MORN5: variants seen among roughly 807,000 people sequenced by gnomAD.
MORN5 encodes MORN repeat-containing protein 5.
In MORN5, 21 loss-of-function variants were observed where a neutral mutation model predicts 22.1. The observed-to-expected ratio is 0.95, with a 90% CI of 0.67 to 1.37. MORN5 has a LOEUF of 1.37. MORN5 is among the 40% of genes most tolerant of loss of function. The pLI is 0.00. For missense variants in MORN5, 211 were observed against 215.1 expected (o/e 0.98, Z 0.12); for synonymous variants, 73 against 74.0 (o/e 0.99, Z 0.07).
chr9:122,184,632 C>T (rs189344592), intron 4 of MORN5, among the ~76,000 whole-genome samples: 1 of 152,350 alleles, frequency 6.6e-6, no homozygotes, highest in Admixed American at 6.5e-5. Flanking sequence ...CAGCATTTGC[C>T]AACTGCTTAC....
chr9:122,161,814 G>A (rs1425057668), intron 1 of MORN5, among the ~76,000 whole-genome samples: 1 of 152,166 alleles, frequency 6.6e-6, no homozygotes, highest in African/African-American at 2.4e-5. Context: ...ATTTTCATTG[G>A]GTTTGTGTGC....
intron 4 of MORN5, among the ~76,000 whole-genome samples, chr9:122,192,125 A>T (rs1403346106): frequency 6.6e-6 from 1 of 152,046 alleles, no homozygotes. Flanking sequence ...GTCCAAAATC[A>T]CCCAGCGAGT....
intron 2 of MORN5, among the ~76,000 whole-genome samples, chr9:122,167,353 CTTTTTTTTT>C (rs61672512): frequency 9.6e-6 from 1 of 104,550 alleles, no homozygotes; most frequent in East Asian, 2.4e-4. Flanking sequence ...CGCACCTGAC[CTTTTTTTTT>C]TTTTTTTTTT....
At chr9:122,161,959 G>A (rs1350030307) in intron 1 of MORN5, among the ~76,000 whole-genome samples, 1 of 152,180 alleles carries the variant, frequency 6.6e-6, no homozygotes, top group Admixed American at 6.5e-5. Flanking sequence ...CAAGAAGTCA[G>A]CAGTTTTTCA....
At chr9:122,172,429 C>G (rs1829380089) in intron 3 of MORN5, among the ~76,000 whole-genome samples, 1 of 151,956 alleles carries the variant, frequency 6.6e-6, no homozygotes, top group Admixed American at 6.6e-5. Context: ...CGGTTTTTCT[C>G]TCTCCCCTCT....
At position 122,182,282 on chromosome 9, in the gene MORN5, C is replaced by T. The variant is rs78309147; in HGVS notation, c.439+7655C>T. Among the ~76,000 whole-genome samples, 677 of 152,360 alleles carry T rather than the reference C, an allele frequency of 4.4e-3. 6 individuals are homozygous for T. The highest frequency in any genetic ancestry group is 7.4e-3 in the Non-Finnish European group (506 of 68,038). On this transcript the variant is annotated intron_variant, in intron 4 of 4. Transcript: ENST00000373764. ...ACAGAATGCCTTTCCCTCTTTTCTC[C>T]GCCCATCTCAGTCCTCCTCATCTGT...
intron 4 of MORN5, among the ~76,000 whole-genome samples, chr9:122,193,551 C>G (rs1386525380): frequency 2.6e-5 from 4 of 152,240 alleles, no homozygotes; most frequent in Non-Finnish European, 5.9e-5. Flanking sequence ...CGCCACTGCA[C>G]TCCAGCCTGG....
intron 4 of MORN5, among the ~76,000 whole-genome samples, chr9:122,181,122 A>G (rs1363654901): frequency 6.6e-6 from 1 of 152,258 alleles, no homozygotes; most frequent in Non-Finnish European, 1.5e-5. Flanking sequence ...AACATCTGTC[A>G]GAGGTCTTAA....
chr9:122,186,073 G>A (rs1829629084), intron 4 of MORN5, among the ~76,000 whole-genome samples: 1 of 152,184 alleles, frequency 6.6e-6, no homozygotes, highest in Non-Finnish European at 1.5e-5. Flanking sequence ...ATAATACGCT[G>A]TAACTGCCAA....
intron 4 of MORN5, among the ~76,000 whole-genome samples, chr9:122,183,205 T>C (rs1429812002): frequency 6.6e-6 from 1 of 152,230 alleles, no homozygotes; most frequent in African/African-American, 2.4e-5. Context: ...TGGAGCTATT[T>C]GGGCAAATGG....
At chr9:122,182,204 A>T (rs1474469751) in intron 4 of MORN5, among the ~76,000 whole-genome samples, 2 of 152,324 alleles carry the variant, frequency 1.3e-5, no homozygotes, top group Middle Eastern at 6.8e-3. Context: ...ATTCATTGAT[A>T]AACACAACCA....
Position 122,166,924 on chromosome 9 carries a change from C to T in MORN5, c.195+9C>T. 7 of 1,611,832 alleles carry T rather than the reference C, an allele frequency of 4.3e-6. No homozygotes were observed. The highest frequency in any genetic ancestry group is 5.9e-6 in the Non-Finnish European group (7 of 1,178,840). On this transcript the variant is annotated intron_variant, in intron 2 of 4. Coordinates refer to ENST00000373764, the MANE Select transcript of MORN5 (RefSeq NM_198469.4). Reference sequence around the variant, plus strand: ...ACGGATTGGCCATAAAGGTGATCAGCTGGGGGGACGGATGCTGTGGAGGAG... The same window carrying T: ...ACGGATTGGCCATAAAGGTGATCAGTTGGGGGGACGGATGCTGTGGAGGAG...
chr9:122,195,190 C>T (rs1829861597), intron 4 of MORN5, among the ~76,000 whole-genome samples: 1 of 152,104 alleles, frequency 6.6e-6, no homozygotes, highest in Admixed American at 6.5e-5. Flanking sequence ...ACTGGGTTTT[C>T]ATGTATTTCT....
Position 122,199,960 on chromosome 9 carries a change from C to T in MORN5, c.*29C>T, listed in dbSNP as rs201880013. On this transcript the variant is annotated 3_prime_UTR_variant, in exon 5 of 5. Coordinates refer to ENST00000373764, the MANE Select transcript of MORN5 (RefSeq NM_198469.4). ...GAGATCGTGGGTCACAGGCCCGAGCCGTGAACTCTGTGGCTGCCTCCACCA... is the reference window on the plus strand; with the variant it reads ...GAGATCGTGGGTCACAGGCCCGAGCTGTGAACTCTGTGGCTGCCTCCACCA... 5.5e-4 allele frequency: 891 copies of T among 1,612,986 alleles called. 2 individuals carry two copies. Among genetic ancestry groups the T allele is most frequent in the Non-Finnish European group, 3.7e-4 (440 of 1,179,078 alleles).
intron 2 of MORN5, among the ~76,000 whole-genome samples, chr9:122,169,359 T>A (rs1829333468): frequency 6.6e-6 from 1 of 152,198 alleles, no homozygotes; most frequent in Non-Finnish European, 1.5e-5. Flanking sequence ...CTATTTTATG[T>A]ACACTATCAT....
chr9:122,178,686 T>C (rs747031200), intron 4 of MORN5, among the ~76,000 whole-genome samples: 1 of 152,242 alleles, frequency 6.6e-6, no homozygotes, highest in East Asian at 1.9e-4. Context: ...CCATTTGCCT[T>C]GAGCCCACCC....
chr9:122,172,128 A>ATT (rs749607897), intron 3 of MORN5, among the ~76,000 whole-genome samples: 1 of 136,832 alleles, frequency 7.3e-6, no homozygotes. Flanking sequence ...CTCCTGGTTA[A>ATT]TTTTTTTTTT....
intron 2 of MORN5, among the ~76,000 whole-genome samples, chr9:122,168,691 C>T (rs1483349270): frequency 2.0e-5 from 3 of 151,834 alleles, no homozygotes; most frequent in Non-Finnish European, 4.4e-5. Flanking sequence ...GACAAAGGGC[C>T]GTGGCTGATG....
At chr9:122,175,167 G>A (rs952731305) in intron 4 of MORN5, among the ~76,000 whole-genome samples, 2 of 152,184 alleles carry the variant, frequency 1.3e-5, no homozygotes, top group African/African-American at 2.4e-5. Context: ...ATCCCGAAGC[G>A]GTTAGTCAGA....
Sources: allele counts gnomAD v4.1 joint callset (sites outside exome capture counted in the v4.1 genomes callset), GRCh38; gene constraint gnomAD v4.1.1; transcripts MANE v1.5; gene names NCBI Gene and HGNC (gene_info 2026-07-23, HGNC 2026-07-21).